Variants in GRIK4 observed in about 807,000 individuals in gnomAD.
GRIK4 encodes glutamate ionotropic receptor kainate type subunit 4.
A neutral mutation model predicts 104.9 loss-of-function variants in GRIK4; 40 were observed. The observed-to-expected ratio is 0.38, with a 90% CI of 0.30 to 0.50. GRIK4 has a LOEUF of 0.50. GRIK4 is among the 20% of genes least tolerant of loss of function. The probability of loss-of-function intolerance (pLI) is 0.93; values close to 1 mark genes in which losing one functional copy is unlikely to be tolerated. For missense variants in GRIK4, 1,047 were observed against 1,308.1 expected (o/e 0.80, Z 3.08); for synonymous variants, 485 against 524.9 (o/e 0.92, Z 1.04).
chr11:120,600,424 C>A (rs150298190), intron 1 of GRIK4, among the ~76,000 whole-genome samples: 12 of 152,316 alleles, frequency 7.9e-5, no homozygotes, highest in African/African-American at 2.6e-4. Flanking sequence ...GAATGGCAGC[C>A]TTTCAGAGGC....
chr11:120,664,683 C>T (rs143986022), intron 3 of GRIK4, among the ~76,000 whole-genome samples: 259 of 152,320 alleles, frequency 1.7e-3, no homozygotes, highest in East Asian at 3.9e-4. Context: ...ACATTAAATA[C>T]ATTGTGTTCT....
chr11:120,566,690 C>T, intron 1 of GRIK4, among the ~76,000 whole-genome samples: 1 of 149,626 alleles, frequency 6.7e-6, no homozygotes. Flanking sequence ...GATTTTTTTT[C>T]TTGTTTATAC....
At chr11:120,651,188 C>G (rs1949614952) in intron 1 of GRIK4, among the ~76,000 whole-genome samples, 1 of 152,156 alleles carries the variant, frequency 6.6e-6, no homozygotes, top group Non-Finnish European at 1.5e-5. Context: ...TGTACAAGGG[C>G]TGGAAGGAAG....
At chr11:120,962,334 G>A in intron 17 of GRIK4, 122 bp from the exon 18 acceptor site, 2 of 642,436 alleles carry the variant, frequency 3.1e-6, no homozygotes, top group Non-Finnish European at 5.5e-6. Context: ...GTTCTTGACT[G>A]TGATCAGCGG....
chr11:120,856,396 G>A (rs1954106148), intron 8 of GRIK4, among the ~76,000 whole-genome samples: 1 of 152,186 alleles, frequency 6.6e-6, no homozygotes, highest in Non-Finnish European at 1.5e-5. Context: ...ACAGCATAGT[G>A]GCTAGGTATC....
rs1591973663 is a variant in GRIK4 at position 120,835,380 on chromosome 11, T to G, written c.691-1411T>G. On this transcript the variant is annotated intron_variant, in intron 7 of 20. Coordinates refer to ENST00000527524, the MANE Select transcript of GRIK4 (RefSeq NM_014619.5). ...CCATCTCTACTAAAAATACAAAAAT[T>G]AGCCAGGTGTGGTCGTGGGTGCCTG... Among the ~76,000 whole-genome samples, 4 of 152,170 alleles carry G rather than the reference T, an allele frequency of 2.6e-5. No individual in the cohort carries two copies. In the South Asian group the frequency reaches 6.2e-4, roughly 24 times the overall value.
Position 120,905,241 on chromosome 11 carries a change from G to A in GRIK4, c.1273-49G>A, listed in dbSNP as rs766088968. On this transcript the variant is annotated intron_variant, in intron 12 of 20. Coordinates refer to ENST00000527524, the MANE Select transcript of GRIK4 (RefSeq NM_014619.5). The surrounding 1 kb of genome is among the most constrained non-coding windows in gnomAD (Gnocchi z 5.1). The stretch of plus-strand genomic sequence containing the variant: ...CTGGCCCTCCCCATCACACGCGGGT[G>A]AGACACCAGGGCTAAGATGAGAATG... 2 of 1,382,714 alleles carry A rather than the reference G, an allele frequency of 1.4e-6. No individual in the cohort carries two copies. The highest frequency in any genetic ancestry group is 2.1e-6 in the Non-Finnish European group (2 of 970,702). The allele number at this position is 1,382,714 out of a possible 1,614,324, so 85.7% of individuals were successfully genotyped here. A position where few individuals can be genotyped will look rare whatever the true frequency, so the allele number is the denominator to read the frequency against.
intron 13 of GRIK4, among the ~76,000 whole-genome samples, chr11:120,928,213 T>TCA (rs1943396251): frequency 7.9e-6 from 1 of 126,352 alleles, no homozygotes; most frequent in Non-Finnish European, 1.6e-5. Context: ...GACTCCGTCT[T>TCA]AAAAAAAAAA....
chr11:120,933,360 G>A (rs1015211774), intron 13 of GRIK4, among the ~76,000 whole-genome samples: 2 of 152,178 alleles, frequency 1.3e-5, no homozygotes, highest in Non-Finnish European at 2.9e-5. Context: ...CAGCATCATT[G>A]TCATCCCAAC....
At chr11:120,871,503 A>C (rs1954608933) in intron 9 of GRIK4, 2 of 419,492 alleles carry the variant, frequency 4.8e-6, no homozygotes, top group Non-Finnish European at 9.7e-6. Flanking sequence ...AGCCCACCTC[A>C]TCCTAGCTCA....
chr11:120,599,623 C>T (rs1948854897), intron 1 of GRIK4, among the ~76,000 whole-genome samples: 1 of 152,224 alleles, frequency 6.6e-6, no homozygotes, highest in Non-Finnish European at 1.5e-5. Context: ...TCTTGTGCTT[C>T]CAGGGATATA....
chr11:120,613,840 G>C (rs994520051), intron 1 of GRIK4, among the ~76,000 whole-genome samples: 3 of 152,212 alleles, frequency 2.0e-5, no homozygotes, highest in African/African-American at 7.2e-5. Context: ...CACTGTCTCA[G>C]GGTGCTGAGG....
intron 1 of GRIK4, among the ~76,000 whole-genome samples, chr11:120,581,709 G>A (rs1948583119): frequency 1.3e-5 from 2 of 151,326 alleles, no homozygotes; most frequent in Admixed American, 6.6e-5. Flanking sequence ...TGTCCTCAAG[G>A]TTCATTCATG....
At chr11:120,597,014 C>T (rs1374619502) in intron 1 of GRIK4, among the ~76,000 whole-genome samples, 1 of 152,196 alleles carries the variant, frequency 6.6e-6, no homozygotes, top group Non-Finnish European at 1.5e-5. Context: ...TGTGAGCCAC[C>T]GCGCCTGGCT....
chr11:120,945,882 A>G (rs1278405780), intron 14 of GRIK4, among the ~76,000 whole-genome samples: 1 of 152,234 alleles, frequency 6.6e-6, no homozygotes, highest in Non-Finnish European at 1.5e-5. Context: ...CTTCTAGGCT[A>G]TATATAGATG....
intron 14 of GRIK4, among the ~76,000 whole-genome samples, chr11:120,941,372 G>C (rs568110615): frequency 1.2e-4 from 19 of 152,316 alleles, no homozygotes; most frequent in African/African-American, 4.6e-4. Context: ...TGCTGAAGAA[G>C]TGACCCCTTG....
chr11:120,543,838 CGT>C (rs1948060656), intron 1 of GRIK4, among the ~76,000 whole-genome samples: 1 of 152,208 alleles, frequency 6.6e-6, no homozygotes, highest in Non-Finnish European at 1.5e-5. Context: ...TTTGCAAAAA[CGT>C]GGATGAACCT....
intron 3 of GRIK4, among the ~76,000 whole-genome samples, chr11:120,694,129 C>CT (rs1358757440): frequency 6.6e-6 from 1 of 152,146 alleles, no homozygotes; most frequent in African/African-American, 2.4e-5. Context: ...CAGTAGACAG[C>CT]TGGATGCATA....
chr11:120,876,562 G>A (rs532230547), intron 11 of GRIK4, among the ~76,000 whole-genome samples: 34 of 150,980 alleles, frequency 2.3e-4, no homozygotes, highest in African/African-American at 8.3e-4. Context: ...CTTATACCAT[G>A]TTAAGTGTGT....
Sources: gnomAD v4.1 joint callset for allele counts (sites outside exome capture counted in the v4.1 genomes callset) on GRCh38, gnomAD v4.1.1 for gene constraint, Gnocchi (gnomAD v3.1) non-coding constraint, MANE v1.5 for transcripts, NCBI Gene and HGNC (gene_info 2026-07-23, HGNC 2026-07-21) for gene names.